PM20D2: variants seen among roughly 807,000 people sequenced by gnomAD.
The protein encoded by PM20D2 is xaa-Arg dipeptidase.
In PM20D2, 33 loss-of-function variants were observed where a neutral mutation model predicts 42.9. That is an observed-to-expected ratio of 0.77 (90% CI 0.58 to 1.03). The LOEUF is 1.03. Ranked by LOEUF, PM20D2 falls within the 50% of genes least tolerant of loss-of-function variation. The pLI, the probability that PM20D2 is intolerant of heterozygous loss-of-function variation, is 0.00. For synonymous variants in PM20D2, 250 were observed against 228.2 expected, an observed-to-expected ratio of 1.10 and a Z score of -0.86; for missense variants, 548 against 557.0, an observed-to-expected ratio of 0.98 and a Z score of 0.16.
the PM20D2 span, chr6:89,117,776 A>G: frequency 6.6e-7 from 1 of 1,511,750 alleles, no homozygotes; most frequent in Non-Finnish European, 8.8e-7. Flanking sequence ...CGCGGCTGTT[A>G]CCCCGCCCCT....
chr6:89,099,912 C>A, the PM20D2 span, among the ~76,000 whole-genome samples: 2 of 152,140 alleles, frequency 1.3e-5, no homozygotes, highest in African/African-American at 4.8e-5. Flanking sequence ...TCAACACAAG[C>A]AGGAAGAACC....
At chr6:89,133,774 A>G in the PM20D2 span, among the ~76,000 whole-genome samples, 7 of 151,278 alleles carry the variant, frequency 4.6e-5, 1 homozygote, top group African/African-American at 1.7e-4. Context: ...TCATGAAGAA[A>G]CCTTGAGGAA....
At chr6:89,123,297 C>T in the PM20D2 span, among the ~76,000 whole-genome samples, 32 of 152,264 alleles carry the variant, frequency 2.1e-4, 1 homozygote, top group Middle Eastern at 3.4e-3. Flanking sequence ...AAACTTAAGT[C>T]GTTTTCATCC....
the PM20D2 span, among the ~76,000 whole-genome samples, chr6:89,127,774 T>A: frequency 1.3e-5 from 2 of 152,234 alleles, no homozygotes; most frequent in Non-Finnish European, 2.9e-5. Flanking sequence ...AATAAAATTT[T>A]AAATTCATTT....
chr6:89,153,520 A>G (rs1770927431), intron 3 of PM20D2, among the ~76,000 whole-genome samples: 1 of 152,140 alleles, frequency 6.6e-6, no homozygotes, highest in African/African-American at 2.4e-5. Context: ...CTTAATGATA[A>G]CCAAATTTTG....
the PM20D2 span, among the ~76,000 whole-genome samples, chr6:89,135,056 G>C: frequency 0.73 from 109,484 of 150,702 alleles, 40,476 homozygotes; most frequent in East Asian, 0.8. Context: ...ACACCTGCAG[G>C]AGCTGGTAGA....
the PM20D2 span, among the ~76,000 whole-genome samples, chr6:89,115,777 C>CAT: frequency 1.9e-3 from 285 of 149,618 alleles, 3 homozygotes; most frequent in African/African-American, 6.4e-3. Flanking sequence ...GCTGGGACTA[C>CAT]AGGCACCCGC....
chr6:89,153,168 C>G lies in PM20D2; in HGVS notation c.740C>G (p.Pro247Arg), dbSNP rs1455861878. 3 of 1,603,774 alleles carry G rather than the reference C, an allele frequency of 1.9e-6. No individual in the cohort carries two copies. Among genetic ancestry groups the G allele is most frequent in the Non-Finnish European group, 2.6e-6 (3 of 1,175,712 alleles). ...NLSVFRQQMK[P>R]TWRVHGIIKN... ...TCTGTGTTCAGACAGCAAATGAAAC[C>G]AACCTGGAGAGTTCATGGTATGAAT... Residue 247 changes from proline (P) to arginine (R), a missense_variant, in exon 3 of 7, where the codon CCA becomes CGA. Physicochemically the swap from Pro to Arg is moderately radical, Grantham distance 103. Around this residue, in one of 3 missense-constraint regions of PM20D2, gnomAD observed 470 missense variants for 464.4 expected, o/e 1.01. Coordinates refer to ENST00000275072, the MANE Select transcript of PM20D2 (RefSeq NM_001010853.3).
the PM20D2 span, among the ~76,000 whole-genome samples, chr6:89,114,103 C>T: frequency 2.6e-5 from 4 of 152,154 alleles, no homozygotes; most frequent in South Asian, 2.1e-4. Flanking sequence ...TTAACCTAAA[C>T]GTTGATTTCT....
chr6:89,100,843 C>T, the PM20D2 span, among the ~76,000 whole-genome samples: 1 of 152,184 alleles, frequency 6.6e-6, no homozygotes, highest in Admixed American at 6.5e-5. Flanking sequence ...TGCAGTGGCT[C>T]ATGCCTGTAA....
chr6:89,150,424 C>T (rs1252596378), intron 2 of PM20D2, among the ~76,000 whole-genome samples: 1 of 151,918 alleles, frequency 6.6e-6, no homozygotes, highest in Non-Finnish European at 1.5e-5. Context: ...GCTCATTACC[C>T]TTCTGGGACT....
At chr6:89,107,110 G>A in the PM20D2 span, 5,875 of 1,487,506 alleles carry the variant, frequency 3.9e-3, 14 homozygotes, top group Non-Finnish European at 4.9e-3. Flanking sequence ...GTATAAGCAC[G>A]CATATACAGT....
At chr6:89,129,493 T>C in the PM20D2 span, among the ~76,000 whole-genome samples, 1 of 151,588 alleles carries the variant, frequency 6.6e-6, no homozygotes, top group Non-Finnish European at 1.5e-5. Context: ...TGTCTCTAAA[T>C]AAATAAATAG....
chr6:89,107,120 T>C, the PM20D2 span: 1 of 1,548,988 alleles, frequency 6.5e-7, no homozygotes, highest in East Asian at 2.2e-5. Context: ...GCATATACAG[T>C]ATATTCACAT....
chr6:89,127,331 CTT>C, the PM20D2 span, among the ~76,000 whole-genome samples: 630 of 137,084 alleles, frequency 4.6e-3, 6 homozygotes, highest in African/African-American at 0.013. Flanking sequence ...CTGTGAAATG[CTT>C]TTTTTTTTTT....
the PM20D2 span, among the ~76,000 whole-genome samples, chr6:89,130,819 CTTTTTTTTTTTTT>C: frequency 4.6e-3 from 111 of 24,086 alleles, 1 homozygote; most frequent in East Asian, 7.2e-3. Context: ...GCTTCTTCTT[CTTTTTTTTTTTTT>C]TTTTTTTTTT....
chr6:89,142,937 T>A (rs144330743), upstream of PM20D2, among the ~76,000 whole-genome samples: 7,220 of 152,320 alleles, frequency 0.047, 495 homozygotes, highest in African/African-American at 0.15. Flanking sequence ...GGATTACAGG[T>A]GTGCGCCACC....
the PM20D2 span, among the ~76,000 whole-genome samples, chr6:89,128,105 TCTGA>T: frequency 6.6e-6 from 1 of 152,134 alleles, no homozygotes; most frequent in African/African-American, 2.4e-5. Flanking sequence ...AACCATAAGG[TCTGA>T]CTGCCTGCTG....
chr6:89,154,346 A>T (rs1770958953), intron 3 of PM20D2, among the ~76,000 whole-genome samples: 1 of 152,166 alleles, frequency 6.6e-6, no homozygotes, highest in Admixed American at 6.5e-5. Context: ...TAAAATGCTC[A>T]TGGGATTCCT....
Sources: gnomAD v4.1 joint callset for allele counts (sites outside exome capture counted in the v4.1 genomes callset) on GRCh38, gnomAD v4.1.1 for gene constraint, gnomAD v4.1.1 regional missense constraint, MANE v1.5 for transcripts, NCBI Gene and HGNC (gene_info 2026-07-23, HGNC 2026-07-21) for gene names.